MYT1L: variants seen among roughly 807,000 people sequenced by gnomAD.
MYT1L encodes myelin transcription factor 1-like protein.
Under a neutral mutation model 126.7 loss-of-function variants are expected in MYT1L, and 12 were observed. The observed-to-expected ratio is 0.09, with a 90% CI of 0.06 to 0.15. The LOEUF (loss-of-function observed/expected upper bound fraction) is 0.15. Ranked by LOEUF, MYT1L falls within the 10% of genes least tolerant of loss-of-function variation. The probability of loss-of-function intolerance (pLI) is 1.00; values close to 1 mark genes in which losing one functional copy is unlikely to be tolerated. For synonymous variants in MYT1L, 541 were observed against 604.2 expected, an observed-to-expected ratio of 0.90 and a Z score of 1.53; for missense variants, 979 against 1,585.2, an observed-to-expected ratio of 0.62 and a Z score of 6.49.
chr2:1,999,957 A>G (rs564573396), intron 4 of MYT1L, among the ~76,000 whole-genome samples: 7 of 152,374 alleles, frequency 4.6e-5, no homozygotes, highest in African/African-American at 1.4e-4. Context: ...AAGCATGCTC[A>G]TTGGTGGGAT....
At chr2:2,067,131 T>C (rs997472504) in intron 3 of MYT1L, among the ~76,000 whole-genome samples, 8 of 152,266 alleles carry the variant, frequency 5.3e-5, no homozygotes, top group Admixed American at 1.3e-4. Context: ...CTCCAACATT[T>C]GTAAAAAGGA....
At chr2:1,964,352 G>A (rs2059175190) in intron 8 of MYT1L, among the ~76,000 whole-genome samples, 1 of 152,180 alleles carries the variant, frequency 6.6e-6, no homozygotes, top group African/African-American at 2.4e-5. Flanking sequence ...GAAATATTGC[G>A]AGAATTATTG....
In MYT1L at chr2:1,808,555, C is replaced by T. The variant is rs1405293420; in HGVS notation, c.3172+521G>A. Among the ~76,000 whole-genome samples, 3 of 152,204 alleles carry T rather than the reference C, an allele frequency of 2.0e-5. No homozygotes were observed. The East Asian group carries it at 5.8e-4, about 29-fold the overall frequency. ...TCTCTCCTGCTCCTCCAGAGGCCCCCAGTTTTCCTCTGCAGAACTCTCTAC... is the reference window on the plus strand; with the variant it reads ...TCTCTCCTGCTCCTCCAGAGGCCCCTAGTTTTCCTCTGCAGAACTCTCTAC... On this transcript the variant is annotated intron_variant, in intron 22 of 24. Coordinates refer to ENST00000647738, the MANE Select transcript of MYT1L (RefSeq NM_001303052.2).
At chr2:2,007,093 A>G (rs2063407866) in intron 4 of MYT1L, among the ~76,000 whole-genome samples, 1 of 151,934 alleles carries the variant, frequency 6.6e-6, no homozygotes, top group South Asian at 2.1e-4. Context: ...CCATTTGTCC[A>G]TTAGGTTGCT....
rs71402115 is a variant in MYT1L at position 1,792,871 on chromosome 2, C to CAAAAAAAGAA, written c.3277-408_3277-407insTTCTTTTTTT. On this transcript the variant is annotated intron_variant, in intron 23 of 24. Transcript: ENST00000647738. ...GGTGACAGACCGAGATTCCGTCTCACAAAAAAAAAAAAAAAAAGGAAAAGA... is the reference window on the plus strand; with the variant it reads ...GGTGACAGACCGAGATTCCGTCTCACAAAAAAAGAAAAAAAAAAAAAAAAAAAGGAAAAGA... Among the ~76,000 whole-genome samples the CAAAAAAAGAA allele has an allele frequency of 6.6e-5, 5 of 76,298 alleles. No individual in the cohort carries two copies. In the East Asian group the frequency reaches 2.6e-3, roughly 40 times the overall value. The allele number at this position is 76,298 out of a possible 152,430, so 50.1% of individuals were successfully genotyped here.
chr2:2,020,766 T>C (rs1031256420), intron 4 of MYT1L, among the ~76,000 whole-genome samples: 8 of 152,248 alleles, frequency 5.3e-5, no homozygotes, highest in South Asian at 4.1e-4. Context: ...TAAGAAGGCT[T>C]TTCCTATTCT....
intron 2 of MYT1L, among the ~76,000 whole-genome samples, chr2:2,236,802 C>CTTTTT (rs1559421069): frequency 1.6e-4 from 3 of 18,240 alleles, no homozygotes; most frequent in Non-Finnish European, 2.6e-4. Context: ...TCTTCTTCTT[C>CTTTTT]TTCTTCTTCT....
chr2:2,124,976 T>C lies in MYT1L; in HGVS notation c.-304+47896A>G, dbSNP rs78758240. Among the ~76,000 whole-genome samples the C allele has an allele frequency of 3.0e-3, 462 of 152,342 alleles. 3 individuals are homozygous for C. The highest frequency in any genetic ancestry group is 0.011 in the African/African-American group (450 of 41,584). ...CACTTACCTTGTGAGTGACTTTCCA[T>C]AGAACTTAAACATTAAAGGCAAACC... On this transcript the variant is annotated intron_variant, in intron 3 of 24. Transcript: ENST00000647738.
chr2:2,229,629 C>T (rs1198556298), intron 2 of MYT1L, among the ~76,000 whole-genome samples: 1 of 151,712 alleles, frequency 6.6e-6, no homozygotes, highest in Non-Finnish European at 1.5e-5. Flanking sequence ...GATGGGGCCT[C>T]ACTGTGTTGG....
chr2:1,836,126 G>C (rs1162015582), intron 21 of MYT1L, among the ~76,000 whole-genome samples: 1 of 152,066 alleles, frequency 6.6e-6, no homozygotes, highest in Non-Finnish European at 1.5e-5. Flanking sequence ...TCCAGAGAAG[G>C]GAGCTTCTAG....
In MYT1L at chr2:1,833,036, C is replaced by T. The variant is rs758213619; in HGVS notation, c.3080+6113G>A. Among the ~76,000 whole-genome samples, 7 of 152,326 alleles carry T rather than the reference C, an allele frequency of 4.6e-5. No homozygotes were observed. The East Asian group carries it at 7.7e-4, about 17-fold the overall frequency. ...GGCCGAATGAGATGAATGAATGACA[C>T]GTCTGTCGGCGGCTTAGGGGGAGGG... is the stretch of plus-strand genomic sequence containing the variant. On this transcript the variant is annotated intron_variant, in intron 21 of 24. Transcript: ENST00000647738.
At chr2:2,117,348 A>G (rs951543785) in intron 3 of MYT1L, among the ~76,000 whole-genome samples, 2 of 152,234 alleles carry the variant, frequency 1.3e-5, no homozygotes, top group Non-Finnish European at 2.9e-5. Context: ...TAGAGAAGGA[A>G]GGAATCTGTG....
At chr2:2,087,758 A>C (rs1019945760) in intron 3 of MYT1L, among the ~76,000 whole-genome samples, 6 of 152,218 alleles carry the variant, frequency 3.9e-5, no homozygotes, top group African/African-American at 1.4e-4. Flanking sequence ...CTCTGGGAAG[A>C]GCTACTACAA....
intron 9 of MYT1L, among the ~76,000 whole-genome samples, chr2:1,939,611 T>C (rs2056405974): frequency 6.6e-6 from 1 of 152,240 alleles, no homozygotes; most frequent in Non-Finnish European, 1.5e-5. Context: ...AGTGAGAACA[T>C]TCAAACAGGA....
chr2:2,167,472 C>T (rs779891775), intron 3 of MYT1L, among the ~76,000 whole-genome samples: 12 of 152,196 alleles, frequency 7.9e-5, no homozygotes, highest in African/African-American at 1.9e-4. Flanking sequence ...CAGGCACTGG[C>T]GTTAGCTCCT....
intron 19 of MYT1L, among the ~76,000 whole-genome samples, chr2:1,843,700 C>T (rs2042135923): frequency 6.6e-6 from 1 of 152,214 alleles, no homozygotes; most frequent in Non-Finnish European, 1.5e-5. Flanking sequence ...ATCCCATCTC[C>T]CCAGATGTAG....
At chr2:2,013,035 G>A (rs1441320898) in intron 4 of MYT1L, among the ~76,000 whole-genome samples, 1 of 152,168 alleles carries the variant, frequency 6.6e-6, no homozygotes, top group Non-Finnish European at 1.5e-5. Context: ...GGTTTCAGGT[G>A]CCCACGGGGG....
At chr2:2,140,497 C>T (rs1380699527) in intron 3 of MYT1L, among the ~76,000 whole-genome samples, 13 of 145,454 alleles carry the variant, frequency 8.9e-5, no homozygotes, top group African/African-American at 1.8e-4. Flanking sequence ...TGCAGTGGCA[C>T]GATCCTGGAT....
intron 18 of MYT1L, among the ~76,000 whole-genome samples, chr2:1,855,266 C>A (rs2043768421): frequency 6.6e-6 from 1 of 152,230 alleles, no homozygotes; most frequent in South Asian, 2.1e-4. Flanking sequence ...GGATCCTCGA[C>A]CACGGGCGTG....
Sources: gnomAD v4.1 joint callset for allele counts (sites outside exome capture counted in the v4.1 genomes callset) on GRCh38, gnomAD v4.1.1 for gene constraint, MANE v1.5 for transcripts, NCBI Gene and HGNC (gene_info 2026-07-23, HGNC 2026-07-21) for gene names.